EIF2AK1: variants seen among roughly 807,000 people sequenced by gnomAD.
EIF2AK1 encodes eukaryotic translation initiation factor 2-alpha kinase 1.
EIF2AK1 carries 54 observed loss-of-function variants against 77.9 expected under a neutral mutation model. The ratio of observed to expected loss-of-function variants is 0.69; its 90% confidence interval spans 0.56 to 0.87. The LOEUF (loss-of-function observed/expected upper bound fraction) is 0.87. EIF2AK1 is among the 40% of genes least tolerant of loss of function. The probability of loss-of-function intolerance (pLI) is 0.00; values close to 1 mark genes in which losing one functional copy is unlikely to be tolerated. For missense variants in EIF2AK1, 810 were observed against 768.6 expected (o/e 1.05, Z -0.64); for synonymous variants, 314 against 290.5 (o/e 1.08, Z -0.82).
At chr7:6,047,344 C>T (rs1370675231) in intron 4 of EIF2AK1, 1 of 550,528 alleles carries the variant, frequency 1.8e-6, no homozygotes, top group South Asian at 1.8e-5. Context: ...GAATCACTAA[C>T]AGCCAGCAGT....
chr7:6,038,475 A>C lies in EIF2AK1; in HGVS notation c.1231+85T>G, dbSNP rs944836145. The C allele has an allele frequency of 3.5e-5, 31 of 890,534 alleles. No individual in the cohort carries two copies. In the Admixed American group the frequency reaches 8.2e-4, roughly 24 times the overall value. 55.2% of individuals were successfully genotyped at this position (890,534 alleles called of 1,614,324 possible). On this transcript the variant is annotated intron_variant, in intron 10 of 14. Coordinates refer to ENST00000199389, the MANE Select transcript of EIF2AK1 (RefSeq NM_014413.4). ...ATAAATAAAAAATAAAAATGAAAAA[A>C]AGCACCTGGAGGCAACTCCTACATG...
In EIF2AK1 at chr7:6,054,843, G is replaced by A. The variant is rs1176788659; in HGVS notation, c.119-139C>T. 29 of 906,638 alleles carry A rather than the reference G, an allele frequency of 3.2e-5. No homozygotes were observed. In the South Asian group the frequency reaches 5.4e-4, roughly 17 times the overall value. 56.2% of individuals were successfully genotyped at this position (906,638 alleles called of 1,614,324 possible). Reference sequence around the variant, plus strand: ...ACCAAAAGAATAGTTATGCTGAGTTGGGTTAATCAAGAAAGGCTTTCTGGA... The same window carrying A: ...ACCAAAAGAATAGTTATGCTGAGTTAGGTTAATCAAGAAAGGCTTTCTGGA... On this transcript the variant is annotated intron_variant, in intron 1 of 14. Coordinates refer to ENST00000199389, the MANE Select transcript of EIF2AK1 (RefSeq NM_014413.4).
Position 6,038,743 on chromosome 7 carries a change from T to C in EIF2AK1, c.1120-72A>G, listed in dbSNP as rs563784098. 1,363 of 1,347,306 alleles carry C rather than the reference T, an allele frequency of 1.0e-3. 20 individuals carry two copies. The South Asian group carries it at 0.017, about 17-fold the overall frequency. The allele number at this position is 1,347,306 out of a possible 1,614,324, so 83.5% of individuals were successfully genotyped here. Reference sequence around the variant, plus strand: ...GCATTATTCATTTAGCCAACAAATATTAATCTGCCTATTCTGGGCCAAGAG... The same window carrying C: ...GCATTATTCATTTAGCCAACAAATACTAATCTGCCTATTCTGGGCCAAGAG... On this transcript the variant is annotated intron_variant, in intron 9 of 14. Coordinates refer to ENST00000199389, the MANE Select transcript of EIF2AK1 (RefSeq NM_014413.4).
chr7:6,052,637 C>T (rs1035115927), intron 2 of EIF2AK1, among the ~76,000 whole-genome samples: 8 of 113,238 alleles, frequency 7.1e-5, no homozygotes, highest in Admixed American at 4.6e-4. Context: ...TGGAACTATT[C>T]TTTTTTTTTT....
chr7:6,031,609 C>CTGGAAAAA (rs1562743386), intron 11 of EIF2AK1: 1 of 1,549,678 alleles, frequency 6.5e-7, no homozygotes, highest in South Asian at 1.2e-5. Flanking sequence ...CTTTTCTGCT[C>CTGGAAAAA]AGTCACTTCT....
At chr7:6,047,578 CAGG>C in intron 4 of EIF2AK1, 1 of 187,210 alleles carries the variant, frequency 5.3e-6, no homozygotes, top group South Asian at 9.0e-5. Context: ...GAGGCTGATG[CAGG>C]AGAATTGCTT....
At chr7:6,031,521 GA>G in intron 11 of EIF2AK1, 1 of 1,550,706 alleles carries the variant, frequency 6.4e-7, no homozygotes. Flanking sequence ...GTACTCCTGA[GA>G]AATCACCCTG....
intron 14 of EIF2AK1, among the ~76,000 whole-genome samples, chr7:6,026,136 A>G (rs1190395100): frequency 6.6e-6 from 1 of 152,114 alleles, no homozygotes; most frequent in Admixed American, 6.5e-5. Flanking sequence ...CACACTCTTC[A>G]GCACTACCCG....
intron 1 of EIF2AK1, among the ~76,000 whole-genome samples, chr7:6,055,515 T>C (rs1464183627): frequency 6.6e-6 from 1 of 151,912 alleles, no homozygotes; most frequent in African/African-American, 2.4e-5. Flanking sequence ...AAAACACTGA[T>C]CTCAGAGAGG....
chr7:6,023,938 A>T lies in EIF2AK1; in HGVS notation c.*735T>A, dbSNP rs895055568. 1 of 1,438,968 alleles carries T rather than the reference A, an allele frequency of 6.9e-7. No homozygotes were observed. 89.1% of individuals were successfully genotyped at this position (1,438,968 alleles called of 1,614,324 possible). A position where few individuals can be genotyped will look rare whatever the true frequency, so the allele number is the denominator to read the frequency against. ...TCTGGGATTCAAAAACCAATTCATC[A>T]GATCGCTGCCTCTGAGGGATGTACA... On this transcript the variant is annotated 3_prime_UTR_variant, in exon 15 of 15. Coordinates refer to ENST00000199389, the MANE Select transcript of EIF2AK1 (RefSeq NM_014413.4).
At position 6,023,990 on chromosome 7, in the gene EIF2AK1, A is replaced by G. The variant is rs965721997; in HGVS notation, c.*683T>C. 4 of 1,357,442 alleles carry G rather than the reference A, an allele frequency of 2.9e-6. 1 individual carries two copies. The Admixed American group carries it at 6.6e-5, about 22-fold the overall frequency. 84.1% of individuals were successfully genotyped at this position (1,357,442 alleles called of 1,614,324 possible). Reference sequence around the variant, plus strand: ...ATTGGCTGGGGAGCTGAGTGCTACAATAAAGGAGGAAGTACCGGGGAACAG... The same window carrying G: ...ATTGGCTGGGGAGCTGAGTGCTACAGTAAAGGAGGAAGTACCGGGGAACAG... On this transcript the variant is annotated 3_prime_UTR_variant, in exon 15 of 15. Coordinates refer to ENST00000199389, the MANE Select transcript of EIF2AK1 (RefSeq NM_014413.4).
intron 2 of EIF2AK1, among the ~76,000 whole-genome samples, chr7:6,052,061 A>T (rs183331583): frequency 6.6e-6 from 1 of 151,566 alleles, no homozygotes; most frequent in Non-Finnish European, 1.5e-5. Context: ...AGTCCCAGCT[A>T]CTTGGGAGGC....
Position 6,049,930 on chromosome 7 carries a change from A to G in EIF2AK1, c.393T>C (p.Ala131=). 6.2e-7 allele frequency: 1 copy of G among 1,611,758 alleles called. No homozygotes were observed. Among genetic ancestry groups the G allele is most frequent in the East Asian group, 2.2e-5 (1 of 44,798 alleles). Residue 131 remains alanine, a synonymous_variant, in exon 3 of 15, where the codon GCT becomes GCC. Transcript: ENST00000199389. Reference sequence around the variant, plus strand: ...GGCTTACCTGACGAACTCTCTCTTTAGCAGACCTCATTAAGTGAGTAATAG... The same window carrying G: ...GGCTTACCTGACGAACTCTCTCTTTGGCAGACCTCATTAAGTGAGTAATAG... ...NRAITHLMRS[A]KERVRQDPCE...
At chr7:6,054,207 CTTTA>C (rs55688803) in intron 2 of EIF2AK1, among the ~76,000 whole-genome samples, 1 of 150,856 alleles carries the variant, frequency 6.6e-6, no homozygotes, top group African/African-American at 2.4e-5. Flanking sequence ...TTTTTACAAG[CTTTA>C]TTTATTTATT....
intron 2 of EIF2AK1, among the ~76,000 whole-genome samples, chr7:6,052,739 G>A (rs532121460): frequency 3.1e-3 from 473 of 151,398 alleles, no homozygotes; most frequent in African/African-American, 0.011. Flanking sequence ...AGGCCGAGGC[G>A]GGTGGATCAC....
At position 6,044,569 on chromosome 7, in the gene EIF2AK1, C is replaced by A. The variant is rs757236544; in HGVS notation, c.723G>T (p.Gln241His). The A allele has an allele frequency of 3.1e-6, 5 of 1,612,982 alleles. No homozygotes were observed. The highest frequency in any genetic ancestry group is 2.2e-5 in the South Asian group (2 of 90,928). Reference sequence around the variant, plus strand: ...CCATCAAAAACGGCTTACCTCGTGGCTGAATCACATGAACATGTTCTATCC... The same window carrying A: ...CCATCAAAAACGGCTTACCTCGTGGATGAATCACATGAACATGTTCTATCC... ...TAWIEHVHVI[Q>H]PRADRAAIEL... The change falls in exon 7 of 15, where the codon CAG becomes CAT. Residue 241 changes from glutamine to histidine, a missense_variant. By Grantham distance (24) the Gln-to-His change is conservative. Around this residue, in one of 3 missense-constraint regions of EIF2AK1, gnomAD observed 549 missense variants for 533.7 expected, o/e 1.03. Coordinates refer to ENST00000199389, the MANE Select transcript of EIF2AK1 (RefSeq NM_014413.4).
At chr7:6,038,954 T>A (rs1355736922) in intron 9 of EIF2AK1, among the ~76,000 whole-genome samples, 1 of 151,836 alleles carries the variant, frequency 6.6e-6, no homozygotes, top group Non-Finnish European at 1.5e-5. Flanking sequence ...CAGGCAGGGG[T>A]CCAATGGCAG....
At chr7:6,028,582 T>A in intron 13 of EIF2AK1, 33 bp downstream of exon 13, 1 of 1,603,744 alleles carries the variant, frequency 6.2e-7, no homozygotes, top group Non-Finnish European at 8.5e-7. Flanking sequence ...GCAGAATAAG[T>A]TGAATGAAAG....
At position 6,023,562 on chromosome 7, in the gene EIF2AK1, CGTG is replaced by C; in HGVS notation, c.*1108_*1110del. The C allele has an allele frequency of 6.2e-7, 1 of 1,614,214 alleles. No homozygotes were observed. Among genetic ancestry groups the C allele is most frequent in the South Asian group, 1.1e-5 (1 of 91,086 alleles). On this transcript the variant is annotated 3_prime_UTR_variant, in exon 15 of 15. Transcript: ENST00000199389. ...CTGGGAATGAACTCACCGTAGCAGACGTGGTGCTGTGGTCTGTACTCCAGCAGA... is the reference window on the plus strand; with the variant it reads ...CTGGGAATGAACTCACCGTAGCAGACGTGCTGTGGTCTGTACTCCAGCAGA...
Sources: allele counts gnomAD v4.1 joint callset (sites outside exome capture counted in the v4.1 genomes callset), GRCh38; gene constraint gnomAD v4.1.1; regional missense constraint gnomAD v4.1.1; transcripts MANE v1.5; gene names NCBI Gene and HGNC (gene_info 2026-07-23, HGNC 2026-07-21).